CCDC144A: variants seen among roughly 807,000 people sequenced by gnomAD.
CCDC144A encodes coiled-coil domain-containing protein 144A.
In CCDC144A, 41 loss-of-function variants were observed where a neutral mutation model predicts 143.8. The ratio of observed to expected loss-of-function variants is 0.29; its 90% CI spans 0.22 to 0.37. The LOEUF is 0.37. CCDC144A is among the 10% of genes least tolerant of loss of function. CCDC144A has a pLI of 1.00. For synonymous variants in CCDC144A, 242 were observed against 517.9 expected (o/e 0.47, Z 7.23); for missense variants, 637 against 1,488.8 (o/e 0.43, Z 9.41).
At chr17:16,666,781 G>A in the CCDC144A span, 12 of 171,886 alleles carry the variant, frequency 7.0e-5, no homozygotes, top group Non-Finnish European at 1.4e-4. Flanking sequence ...CTCCTGGCAG[G>A]AGGACCTGGA....
Position 16,690,751 on chromosome 17 carries a change from G to A in CCDC144A, c.344+7G>A. 6.3e-7 allele frequency: 1 copy of A among 1,594,634 alleles called. No individual in the cohort carries two copies. Among genetic ancestry groups the A allele is most frequent in the Non-Finnish European group, 8.6e-7 (1 of 1,166,508 alleles). The stretch of plus-strand genomic sequence containing the variant: ...AGAGGGATAGGAAGAAGAGGTAATG[G>A]CCAGGCGAAGGATGCGCCGTCCTGT... On this transcript the variant is annotated splice_region_variant and intron_variant, in intron 1 of 16. Coordinates refer to ENST00000399273, the MANE Select transcript of CCDC144A (RefSeq NM_001382000.1).
chr17:16,691,954 GAC>G (rs1417084766), intron 1 of CCDC144A: 7 of 151,790 alleles, frequency 4.6e-5, no homozygotes, highest in African/African-American at 1.7e-4. Context: ...TAGTTCCAAA[GAC>G]AGTGTGAGTC....
rs1597544935 is a variant in CCDC144A, at chr17:16,709,776, T to C, written c.1578+141T>C. ...ATTGTGTGTAGAAACAGATGATTTC[T>C]AAGTAATAGGAGTTTAGGAAAACTT... On this transcript the variant is annotated intron_variant, in intron 5 of 16. Transcript: ENST00000399273. The C allele has an allele frequency of 3.1e-6, 4 of 1,288,736 alleles. No homozygotes were observed. The East Asian group carries it at 9.8e-5, about 32-fold the overall frequency. 79.8% of individuals were successfully genotyped at this position (1,288,736 alleles called of 1,614,324 possible).
At chr17:16,717,192 G>A (rs1359699356) in intron 6 of CCDC144A, among the ~76,000 whole-genome samples, 1 of 146,644 alleles carries the variant, frequency 6.8e-6, no homozygotes, top group Non-Finnish European at 1.5e-5. Flanking sequence ...TCAGCTCTCT[G>A]CAACCTCCAG....
intron 9 of CCDC144A, among the ~76,000 whole-genome samples, chr17:16,729,268 T>C (rs1913590476): frequency 6.6e-6 from 1 of 152,222 alleles, no homozygotes; most frequent in Non-Finnish European, 1.5e-5. Context: ...TTTGACTTTT[T>C]AATAATGAGC....
At chr17:16,723,130 G>C (rs562652311) in intron 8 of CCDC144A, among the ~76,000 whole-genome samples, 19 of 151,792 alleles carry the variant, frequency 1.3e-4, no homozygotes, top group Non-Finnish European at 2.8e-4. Context: ...AGCTATCTGG[G>C]CCTGGAGTTT....
At position 16,717,968 on chromosome 17, in the gene CCDC144A, G is replaced by T. The variant is rs531579173; in HGVS notation, c.1716-2230G>T. ...GTAATTTAGTAACTTGTGGTCTGCT[G>T]CAAGGAGATGATGACAGCAGTTTAA... On this transcript the variant is annotated intron_variant, in intron 6 of 16. Coordinates refer to ENST00000399273, the MANE Select transcript of CCDC144A (RefSeq NM_001382000.1). Among the ~76,000 whole-genome samples, 16 of 152,342 alleles carry T rather than the reference G, an allele frequency of 1.1e-4. No homozygotes were observed. The East Asian group carries it at 3.1e-3, about 29-fold the overall frequency.
At chr17:16,763,018 C>G (rs1915445792) in intron 14 of CCDC144A, among the ~76,000 whole-genome samples, 1 of 150,414 alleles carries the variant, frequency 6.6e-6, no homozygotes, top group Non-Finnish European at 1.5e-5. Flanking sequence ...AGTAAATTCA[C>G]TTTGCTTGAT....
At chr17:16,677,923 G>C in the CCDC144A span, among the ~76,000 whole-genome samples, 1 of 151,874 alleles carries the variant, frequency 6.6e-6, no homozygotes, top group Non-Finnish European at 1.5e-5. Flanking sequence ...GACTGATTTT[G>C]GGCCACAGAG....
chr17:16,730,914 A>G (rs1913710130), intron 9 of CCDC144A, among the ~76,000 whole-genome samples: 1 of 144,440 alleles, frequency 6.9e-6, no homozygotes, highest in Non-Finnish European at 1.5e-5. Flanking sequence ...AAGCTAAAAC[A>G]GAGATAGTTT....
chr17:16,673,730 T>C, the CCDC144A span, among the ~76,000 whole-genome samples: 6 of 152,160 alleles, frequency 3.9e-5, no homozygotes, highest in Admixed American at 2.6e-4. Context: ...GTTTAATCTA[T>C]GTCCCTATAG....
At chr17:16,692,502 G>T in intron 1 of CCDC144A, among the ~76,000 whole-genome samples, 1 of 54,114 alleles carries the variant, frequency 1.8e-5, no homozygotes. Context: ...AATACACATT[G>T]GGTTTTATTT....
At chr17:16,737,762 GCTTT>G (rs1425191634) in intron 12 of CCDC144A, 1 of 263,186 alleles carries the variant, frequency 3.8e-6, no homozygotes, top group African/African-American at 2.2e-5. Context: ...GCAGTGGATA[GCTTT>G]CTTTTGTATT....
At chr17:16,682,883 G>GTTTTTTTTTTTTTTTTT in the CCDC144A span, among the ~76,000 whole-genome samples, 3 of 46,456 alleles carry the variant, frequency 6.5e-5, 1 homozygote, top group African/African-American at 1.2e-4. Flanking sequence ...TGGATTCTCT[G>GTTTTTTTTTTTTTTTTT]TTTTTTTTTT....
In CCDC144A at chr17:16,690,458, G is replaced by A. The variant is rs764147507; in HGVS notation, c.58G>A (p.Val20Ile). ...GGCTGAGGGGTCTCCGAAGCCGGCAGTCTACGCCACGAGGAAGACCCCTAG... is the reference window on the plus strand; with the variant it reads ...GGCTGAGGGGTCTCCGAAGCCGGCAATCTACGCCACGAGGAAGACCCCTAG... Reference protein sequence around the residue: ...GGAEGSPKPAVYATRKTPSVG... With the variant: ...GGAEGSPKPAIYATRKTPSVG... The change falls in exon 1 of 17, where the codon GTC (valine) becomes ATC (isoleucine). Residue 20 changes from valine (V) to isoleucine (I), a missense_variant. Val to Ile is a conservative substitution (Grantham distance 29, BLOSUM62 3). Coordinates refer to ENST00000399273, the MANE Select transcript of CCDC144A (RefSeq NM_001382000.1). 1 of 1,612,410 alleles carries A rather than the reference G, an allele frequency of 6.2e-7. No homozygotes were observed. The highest frequency in any genetic ancestry group is 8.5e-7 in the Non-Finnish European group (1 of 1,179,258).
intron 6 of CCDC144A, among the ~76,000 whole-genome samples, chr17:16,717,968 G>A (rs531579173): frequency 9.2e-5 from 14 of 152,224 alleles, no homozygotes; most frequent in Non-Finnish European, 1.8e-4. Context: ...GTGGTCTGCT[G>A]CAAGGAGATG....
chr17:16,725,407 A>G (rs1913359029), intron 8 of CCDC144A, among the ~76,000 whole-genome samples: 2 of 151,530 alleles, frequency 1.3e-5, no homozygotes, highest in Non-Finnish European at 2.9e-5. Flanking sequence ...CTTATTAGCG[A>G]TAACTATTTT....
At chr17:16,742,011 C>T (rs1914276942) in intron 12 of CCDC144A, among the ~76,000 whole-genome samples, 1 of 151,944 alleles carries the variant, frequency 6.6e-6, no homozygotes, top group Non-Finnish European at 1.5e-5. Context: ...ATGACTTGAA[C>T]CCCGGAGGCG....
intron 11 of CCDC144A, 83 bp from the exon 12 acceptor site, chr17:16,734,607 C>G: frequency 1.5e-6 from 2 of 1,348,972 alleles, no homozygotes; most frequent in Non-Finnish European, 2.0e-6. Context: ...GCAATCTTTT[C>G]ATTGTATACA....
Sources: gnomAD v4.1 joint callset for allele counts (sites outside exome capture counted in the v4.1 genomes callset) on GRCh38, gnomAD v4.1.1 for gene constraint, MANE v1.5 for transcripts, NCBI Gene and HGNC (gene_info 2026-07-23, HGNC 2026-07-21) for gene names.